Variants in SCARA5 observed in about 807,000 individuals in gnomAD.
SCARA5 encodes the protein scavenger receptor class A member 5.
A neutral mutation model predicts 46.3 loss-of-function variants in SCARA5; 45 were observed. That is an observed-to-expected ratio of 0.97 (90% CI 0.76 to 1.24). The LOEUF (loss-of-function observed/expected upper bound fraction) is 1.24. Ranked by LOEUF, SCARA5 falls within the 50% of genes most tolerant of loss-of-function variation. The pLI, the probability that SCARA5 is intolerant of heterozygous loss-of-function variation, is 0.00. For missense variants in SCARA5, 680 were observed against 689.0 expected (o/e 0.99, Z 0.15); for synonymous variants, 333 against 306.5 (o/e 1.09, Z -0.90).
In SCARA5 at chr8:27,893,035, C is replaced by A. The variant is rs541231367; in HGVS notation, c.1153+11743G>T. The stretch of plus-strand genomic sequence containing the variant: ...CCTGGTCAGGTGGCAGTCCTCCCAG[C>A]AGCGTGTGGGTCAGCTCCAAGGGTC... On this transcript the variant is annotated intron_variant, in intron 7 of 8. Coordinates refer to ENST00000354914, the MANE Select transcript of SCARA5 (RefSeq NM_173833.6). Among the ~76,000 whole-genome samples, 17 of 152,298 alleles carry A rather than the reference C, an allele frequency of 1.1e-4. No homozygotes were observed. The East Asian group carries it at 2.7e-3, about 24-fold the overall frequency.
chr8:27,947,852 G>A (rs1808062772), intron 3 of SCARA5, among the ~76,000 whole-genome samples: 1 of 152,152 alleles, frequency 6.6e-6, no homozygotes, highest in Admixed American at 6.5e-5. Context: ...TCCAGTCTAG[G>A]TGACAGAGTG....
At chr8:27,900,158 CA>C (rs1200738601) in intron 7 of SCARA5, among the ~76,000 whole-genome samples, 2 of 151,256 alleles carry the variant, frequency 1.3e-5, no homozygotes, top group Non-Finnish European at 3.0e-5. Context: ...ACCAAAAAAA[CA>C]AAAAACAAAC....
chr8:27,901,058 C>T (rs192569344), intron 7 of SCARA5, among the ~76,000 whole-genome samples: 2 of 152,122 alleles, frequency 1.3e-5, no homozygotes, highest in Non-Finnish European at 2.9e-5. Context: ...ACCCTAAAAT[C>T]CTATGACTTC....
chr8:27,987,839 C>T (rs1469413261), intron 1 of SCARA5, among the ~76,000 whole-genome samples: 1 of 152,216 alleles, frequency 6.6e-6, no homozygotes, highest in Non-Finnish European at 1.5e-5. Flanking sequence ...TCCCAGCTTC[C>T]TCAGGGCTTC....
At chr8:27,953,515 G>C (rs967484496) in intron 3 of SCARA5, among the ~76,000 whole-genome samples, 2 of 152,222 alleles carry the variant, frequency 1.3e-5, no homozygotes, top group African/African-American at 4.8e-5. Context: ...GTTATTAATT[G>C]AAGGGAGAAA....
intron 5 of SCARA5, among the ~76,000 whole-genome samples, chr8:27,908,733 T>A (rs750759210): frequency 9.2e-5 from 14 of 152,114 alleles, no homozygotes; most frequent in Non-Finnish European, 1.8e-4. Flanking sequence ...ATCTTATGAT[T>A]CGCTAGGGCA....
At position 27,975,914 on chromosome 8, in the gene SCARA5, T is replaced by C. The variant is rs374282044; in HGVS notation, c.113-9372A>G. 2.7e-3 allele frequency among the ~76,000 whole-genome samples: 410 copies of C among 152,304 alleles called. 1 individual carries two copies. Among genetic ancestry groups the C allele is most frequent in the African/African-American group, 9.2e-3 (384 of 41,564 alleles). ...GGAGAGACAGCCAGGGCTAATTCCA[T>C]GCAGATTTTACGATGGTCTGGGACA... On this transcript the variant is annotated intron_variant, in intron 2 of 8. Transcript: ENST00000354914.
At chr8:27,890,938 A>G (rs1316181456) in intron 7 of SCARA5, among the ~76,000 whole-genome samples, 1 of 152,156 alleles carries the variant, frequency 6.6e-6, no homozygotes, top group African/African-American at 2.4e-5. Flanking sequence ...GTGGGTCTGA[A>G]GCAAGCAGCG....
At chr8:27,957,972 G>A (rs1808231346) in intron 3 of SCARA5, among the ~76,000 whole-genome samples, 1 of 152,172 alleles carries the variant, frequency 6.6e-6, no homozygotes, top group Non-Finnish European at 1.5e-5. Flanking sequence ...CACGAAAGCA[G>A]CCAAGCAGTA....
intron 7 of SCARA5, among the ~76,000 whole-genome samples, chr8:27,902,946 T>C (rs952015958): frequency 6.6e-6 from 1 of 152,148 alleles, no homozygotes; most frequent in African/African-American, 2.4e-5. Flanking sequence ...GGGTCCAGGA[T>C]CAGCCTGGGC....
chr8:27,981,318 C>T (rs1475451838), intron 2 of SCARA5, among the ~76,000 whole-genome samples: 2 of 152,168 alleles, frequency 1.3e-5, no homozygotes, highest in African/African-American at 2.4e-5. Context: ...GCAGCATTTG[C>T]GGGCTGTAAC....
intron 1 of SCARA5, among the ~76,000 whole-genome samples, chr8:27,989,897 C>A (rs1300539390): frequency 1.3e-5 from 2 of 152,250 alleles, no homozygotes; most frequent in Non-Finnish European, 2.9e-5. Context: ...TGTGCGGCAG[C>A]CCTCCCTCTG....
chr8:27,982,220 A>G (rs1381144470), intron 2 of SCARA5, among the ~76,000 whole-genome samples: 1 of 151,958 alleles, frequency 6.6e-6, no homozygotes, highest in African/African-American at 2.4e-5. Flanking sequence ...TTTTTCTGAC[A>G]CTAACACCTC....
At chr8:27,990,686 G>T (rs186354639) in intron 1 of SCARA5, among the ~76,000 whole-genome samples, 9 of 152,294 alleles carry the variant, frequency 5.9e-5, no homozygotes, top group African/African-American at 1.9e-4. Flanking sequence ...CCCAGATCAG[G>T]CAGAGAAGAG....
rs73669114 is a variant in SCARA5, at chr8:27,967,004, G to A, written c.113-462C>T. Among the ~76,000 whole-genome samples, 710 of 152,330 alleles carry A rather than the reference G, an allele frequency of 4.7e-3. 8 individuals are homozygous for A. The highest frequency in any genetic ancestry group is 0.016 in the African/African-American group (675 of 41,562). ...CCAGTGGGACTGTGGGGAGGCCAAC[G>A]GCACGTGCCTGCTCTGGCAGAGGCT... On this transcript the variant is annotated intron_variant, in intron 2 of 8. Coordinates refer to ENST00000354914, the MANE Select transcript of SCARA5 (RefSeq NM_173833.6).
At chr8:27,919,665 G>A (rs977750532) in intron 4 of SCARA5, among the ~76,000 whole-genome samples, 3 of 151,872 alleles carry the variant, frequency 2.0e-5, no homozygotes, top group Non-Finnish European at 4.4e-5. Context: ...AAGGCAGGCA[G>A]GACAGGATAG....
intron 3 of SCARA5, among the ~76,000 whole-genome samples, chr8:27,924,723 T>C: frequency 6.6e-6 from 1 of 152,226 alleles, no homozygotes; most frequent in Non-Finnish European, 1.5e-5. Flanking sequence ...GACATGATTG[T>C]ATATTTAGAA....
intron 7 of SCARA5, among the ~76,000 whole-genome samples, chr8:27,891,008 A>T (rs546421550): frequency 1.2e-3 from 187 of 152,214 alleles, no homozygotes; most frequent in African/African-American, 4.3e-3. Flanking sequence ...CAGGCAAGCT[A>T]CAAGTGCTCT....
intron 2 of SCARA5, among the ~76,000 whole-genome samples, chr8:27,979,808 G>A (rs752839022): frequency 1.1e-4 from 16 of 152,034 alleles, no homozygotes; most frequent in Admixed American, 7.2e-4. Context: ...CAATCCACCC[G>A]CCTCGGCCTC....
Sources: allele counts gnomAD v4.1 joint callset (sites outside exome capture counted in the v4.1 genomes callset), GRCh38; gene constraint gnomAD v4.1.1; transcripts MANE v1.5; gene names NCBI Gene and HGNC (gene_info 2026-07-23, HGNC 2026-07-21).